Variants in PARVA observed in about 807,000 individuals in gnomAD.
PARVA encodes parvin alpha, also known as alpha-parvin.
Under a neutral mutation model 52.6 loss-of-function variants are expected in PARVA, and 25 were observed. The observed-to-expected ratio is 0.48, with a 90% CI of 0.35 to 0.66. The LOEUF (loss-of-function observed/expected upper bound fraction) is 0.66, where lower values mean the gene tolerates loss of function less well. Among genes scored for constraint, PARVA ranks in the 30% least tolerant of loss-of-function variants. PARVA has a pLI of 0.01. For missense variants in PARVA, 373 were observed against 450.9 expected (o/e 0.83, Z 1.56); for synonymous variants, 185 against 179.1 (o/e 1.03, Z -0.26).
intron 1 of PARVA, among the ~76,000 whole-genome samples, chr11:12,429,785 G>A (rs1029086686): frequency 1.9e-4 from 29 of 152,072 alleles, no homozygotes; most frequent in African/African-American, 6.8e-4. Context: ...TTGAGCAGTA[G>A]GATATAAATA....
chr11:12,418,070 G>C (rs1202471630), intron 1 of PARVA, among the ~76,000 whole-genome samples: 3 of 152,224 alleles, frequency 2.0e-5, no homozygotes, highest in Non-Finnish European at 4.4e-5. Context: ...CAAGTCATTG[G>C]AAGGTTCCTG....
chr11:12,440,964 C>T (rs1227114937), intron 1 of PARVA, among the ~76,000 whole-genome samples: 1 of 152,222 alleles, frequency 6.6e-6, no homozygotes, highest in African/African-American at 2.4e-5. Context: ...TACATAATCC[C>T]TCTATCAGGT....
chr11:12,394,075 A>G (rs1201481836), intron 1 of PARVA, among the ~76,000 whole-genome samples: 1 of 152,162 alleles, frequency 6.6e-6, no homozygotes, highest in Admixed American at 6.5e-5. Context: ...CACACTTACT[A>G]TTTTATTGAA....
At chr11:12,428,857 G>GT (rs1431392341) in intron 1 of PARVA, among the ~76,000 whole-genome samples, 2 of 152,196 alleles carry the variant, frequency 1.3e-5, no homozygotes, top group Non-Finnish European at 2.9e-5. Context: ...CAATACAGGG[G>GT]TATCATTTGC....
intron 8 of PARVA, among the ~76,000 whole-genome samples, chr11:12,512,177 C>T (rs1941511096): frequency 2.6e-5 from 4 of 152,114 alleles, no homozygotes; most frequent in Admixed American, 2.6e-4. Context: ...CTGGATGGGT[C>T]CTGGGCATTT....
At chr11:12,495,167 A>G (rs192803075) in intron 4 of PARVA, among the ~76,000 whole-genome samples, 1 of 152,326 alleles carries the variant, frequency 6.6e-6, no homozygotes, top group Non-Finnish European at 1.5e-5. Context: ...TAAATCCCTG[A>G]ACTTTAGAGA....
upstream of PARVA, chr11:12,377,525 C>G: frequency 1.4e-6 from 2 of 1,438,268 alleles, no homozygotes; most frequent in Non-Finnish European, 1.9e-6. Flanking sequence ...TGAGCTGCCT[C>G]AAATGCTTGG....
chr11:12,454,792 A>G (rs893503693), intron 1 of PARVA, among the ~76,000 whole-genome samples: 2 of 152,166 alleles, frequency 1.3e-5, no homozygotes, highest in African/African-American at 2.4e-5. Context: ...ATTTTAGCAT[A>G]TATATTTATA....
intron 1 of PARVA, among the ~76,000 whole-genome samples, chr11:12,455,742 T>C (rs1277541182): frequency 6.6e-6 from 1 of 152,200 alleles, no homozygotes; most frequent in Non-Finnish European, 1.5e-5. Flanking sequence ...GCTGTGAGAA[T>C]TGAGCACCAT....
intron 1 of PARVA, among the ~76,000 whole-genome samples, chr11:12,388,241 C>T (rs1939607169): frequency 6.6e-6 from 1 of 152,172 alleles, no homozygotes; most frequent in South Asian, 2.1e-4. Flanking sequence ...TTTGTTCAGG[C>T]CTGGGACAAA....
intron 1 of PARVA, among the ~76,000 whole-genome samples, chr11:12,420,572 A>G (rs1180868417): frequency 6.6e-6 from 1 of 152,222 alleles, no homozygotes; most frequent in African/African-American, 2.4e-5. Context: ...AATAAGGAGT[A>G]TGGTTCTGTA....
At chr11:12,486,850 CAATA>C (rs1941166787) in intron 4 of PARVA, among the ~76,000 whole-genome samples, 1 of 152,050 alleles carries the variant, frequency 6.6e-6, no homozygotes, top group Non-Finnish European at 1.5e-5. Flanking sequence ...TGTCTCAAAA[CAATA>C]AATAAAATAA....
intron 10 of PARVA, 108 bp from the exon 11 acceptor site, chr11:12,517,502 C>G (rs1034463848): frequency 2.5e-6 from 2 of 798,560 alleles, no homozygotes; most frequent in African/African-American, 1.7e-5. Flanking sequence ...AGCAGCCTGG[C>G]TGGGGTGGTA....
intron 1 of PARVA, among the ~76,000 whole-genome samples, chr11:12,466,314 T>TC (rs1260624257): frequency 6.6e-6 from 1 of 151,330 alleles, no homozygotes; most frequent in Admixed American, 6.6e-5. Flanking sequence ...TTTAGTTGTT[T>TC]TTTTTTTTTT....
intron 10 of PARVA, among the ~76,000 whole-genome samples, 164 bp downstream of exon 10, chr11:12,514,229 T>C (rs1941540529): frequency 6.6e-6 from 1 of 152,210 alleles, no homozygotes; most frequent in African/African-American, 2.4e-5. Context: ...GTGGATTTTT[T>C]CCAACTTTTT....
At chr11:12,388,304 T>C (rs542817067) in intron 1 of PARVA, among the ~76,000 whole-genome samples, 17 of 152,374 alleles carry the variant, frequency 1.1e-4, no homozygotes, top group Non-Finnish European at 1.3e-4. Context: ...CTGGTTCTAC[T>C]AGCATTTAAT....
At chr11:12,505,138 T>C (rs1156459309) in intron 6 of PARVA, among the ~76,000 whole-genome samples, 5 of 152,224 alleles carry the variant, frequency 3.3e-5, no homozygotes, top group Non-Finnish European at 5.9e-5. Context: ...AATACCCAAA[T>C]TCAATTTTAT....
intron 1 of PARVA, among the ~76,000 whole-genome samples, chr11:12,455,859 T>A (rs1394628499): frequency 6.6e-6 from 1 of 152,180 alleles, no homozygotes; most frequent in East Asian, 1.9e-4. Flanking sequence ...CATCTTCATC[T>A]TTCCTCAAGT....
At chr11:12,442,967 T>C (rs931370014) in intron 1 of PARVA, among the ~76,000 whole-genome samples, 1 of 150,544 alleles carries the variant, frequency 6.6e-6, no homozygotes, top group Non-Finnish European at 1.5e-5. Flanking sequence ...GTTCACGCCA[T>C]TCTCCTGCCT....
Sources: allele counts gnomAD v4.1 joint callset (sites outside exome capture counted in the v4.1 genomes callset), GRCh38; gene constraint gnomAD v4.1.1; transcripts MANE v1.5; gene names NCBI Gene and HGNC (gene_info 2026-07-23, HGNC 2026-07-21).